The following DENND4A variants were observed in gnomAD, a reference collection of about 807,000 sequenced individuals.
DENND4A encodes the protein C-myc promoter-binding protein.
In DENND4A, 70 loss-of-function variants were observed where a neutral mutation model predicts 199.3. That is an observed-to-expected ratio of 0.35 (90% confidence interval 0.29 to 0.43). The LOEUF is 0.43. Ranked by LOEUF, DENND4A falls within the 20% of genes least tolerant of loss-of-function variation. The pLI is 1.00. For missense variants in DENND4A, 1,723 were observed against 2,255.8 expected (o/e 0.76, Z 4.78); for synonymous variants, 686 against 766.9 (o/e 0.89, Z 1.74).
At chr15:65,672,819 C>G (rs755804543) in intron 24 of DENND4A, among the ~76,000 whole-genome samples, 2 of 151,784 alleles carry the variant, frequency 1.3e-5, no homozygotes, top group Non-Finnish European at 2.9e-5. Flanking sequence ...TATACCTTCT[C>G]AACACATGTT....
intron 1 of DENND4A, among the ~76,000 whole-genome samples, chr15:65,764,400 G>A (rs1045348581): frequency 1.1e-4 from 17 of 152,162 alleles, no homozygotes; most frequent in Non-Finnish European, 2.2e-4. Flanking sequence ...GGAGGCAGAG[G>A]TGGGAGGATC....
intron 27 of DENND4A, among the ~76,000 whole-genome samples, chr15:65,669,457 GAGAT>G (rs1294661215): frequency 6.6e-6 from 1 of 152,122 alleles, no homozygotes; most frequent in African/African-American, 2.4e-5. Flanking sequence ...AATTCCTGAA[GAGAT>G]AGAGACAAGA....
Position 65,756,358 on chromosome 15 carries a change from G to A in DENND4A, c.93C>T (p.Phe31=). Residue 31 remains phenylalanine (F), a synonymous_variant, in exon 3 of 33, where the codon TTC becomes TTT. Coordinates refer to ENST00000443035, the MANE Select transcript of DENND4A (RefSeq NM_001320835.1). ...TAGCTACTTTATGACAAGCATCATTGAAGTGAATTTCTTCTTCTAGAGGCT... is the reference window on the plus strand; with the variant it reads ...TAGCTACTTTATGACAAGCATCATTAAAGTGAATTTCTTCTTCTAGAGGCT... The part of the protein sequence containing the change: ...VSKPLEEEIH[F]NDACHKVAKP... 6.2e-7 allele frequency: 1 copy of A among 1,613,922 alleles called. No individual in the cohort carries two copies. Among genetic ancestry groups the A allele is most frequent in the Non-Finnish European group, 8.5e-7 (1 of 1,179,850 alleles).
intron 21 of DENND4A, 101 bp from the exon 22 acceptor site, chr15:65,696,598 A>G: frequency 1.2e-6 from 1 of 813,402 alleles, no homozygotes; most frequent in Non-Finnish European, 1.9e-6. Context: ...ACTTGAAAAT[A>G]GGTGACAAGA....
chr15:65,790,889 T>G (rs773675942), intron 1 of DENND4A, among the ~76,000 whole-genome samples: 1 of 152,104 alleles, frequency 6.6e-6, no homozygotes, highest in Non-Finnish European at 1.5e-5. Flanking sequence ...TGTACTACAA[T>G]AGATTAGCGT....
intron 1 of DENND4A, among the ~76,000 whole-genome samples, chr15:65,763,679 CAAA>C (rs11357605): frequency 3.4e-5 from 3 of 87,538 alleles, no homozygotes; most frequent in Admixed American, 1.3e-4. Context: ...GACCTTGTCT[CAAA>C]AAAAAAAAAA....
chr15:65,727,952 CTT>C (rs2075852523), intron 11 of DENND4A: 2 of 171,732 alleles, frequency 1.2e-5, no homozygotes, highest in Admixed American at 6.3e-5. Flanking sequence ...TAATTTAAAA[CTT>C]ATTTTAAAAT....
chr15:65,662,038 T>C, intron 32 of DENND4A, 51 bp from the exon 33 acceptor site: 5 of 1,475,786 alleles, frequency 3.4e-6, no homozygotes, highest in Non-Finnish European at 4.6e-6. Flanking sequence ...AGGTCTGATG[T>C]TGAAAACTAT....
intron 32 of DENND4A, among the ~76,000 whole-genome samples, chr15:65,662,362 A>C (rs1193626516): frequency 2.0e-5 from 3 of 152,112 alleles, no homozygotes; most frequent in African/African-American, 7.2e-5. Context: ...TCATTTTTTA[A>C]ATTTAAATTT....
chr15:65,731,046 T>C (rs2075942368), intron 9 of DENND4A, among the ~76,000 whole-genome samples: 1 of 152,058 alleles, frequency 6.6e-6, no homozygotes, highest in African/African-American at 2.4e-5. Context: ...TAATCTGCAA[T>C]TCTTACAAAA....
rs36113125 is a variant in DENND4A at position 65,666,778 on chromosome 15, CAAA to C, written c.5241+668_5241+670del. ...TGGGTGACAGGGCGAGACCTTGTGT[CAAA>C]AAAAAAAAAAAAAAAAAATTAGGCT... On this transcript the variant is annotated intron_variant, in intron 29 of 32. Transcript: ENST00000443035. 8.4e-3 allele frequency among the ~76,000 whole-genome samples: 767 copies of C among 91,670 alleles called. 3 individuals are homozygous for C. Among genetic ancestry groups the C allele is most frequent in the African/African-American group, 0.015 (427 of 27,872 alleles). The allele number at this position is 91,670 out of a possible 152,430, so 60.1% of individuals were successfully genotyped here.
chr15:65,712,173 C>T (rs918540343), intron 14 of DENND4A, among the ~76,000 whole-genome samples: 3 of 152,210 alleles, frequency 2.0e-5, no homozygotes, highest in Admixed American at 1.3e-4. Flanking sequence ...AATTCCCTAA[C>T]AGCACCAGAA....
chr15:65,748,065 G>GAAAAAAAAAA (rs1299007692), intron 4 of DENND4A, among the ~76,000 whole-genome samples: 3 of 108,930 alleles, frequency 2.8e-5, no homozygotes, highest in African/African-American at 3.7e-5. Flanking sequence ...AAAAAAAAAG[G>GAAAAAAAAAA]AAAAAAAAAA....
At chr15:65,663,358 C>T (rs1387560496) in intron 32 of DENND4A, among the ~76,000 whole-genome samples, 7 of 151,188 alleles carry the variant, frequency 4.6e-5, no homozygotes, top group Non-Finnish European at 7.4e-5. Context: ...TACAGGCATG[C>T]GCCACCACGC....
chr15:65,757,235 T>G, intron 2 of DENND4A, among the ~76,000 whole-genome samples: 1 of 136,542 alleles, frequency 7.3e-6, no homozygotes, highest in African/African-American at 2.8e-5. Flanking sequence ...GAGGCTTGTG[T>G]GTTTATTTTG....
chr15:65,676,162 A>C (rs1018377633), intron 24 of DENND4A, among the ~76,000 whole-genome samples: 1 of 146,524 alleles, frequency 6.8e-6, no homozygotes, highest in Admixed American at 6.8e-5. Flanking sequence ...ATATATATAT[A>C]TATACCTATA....
At chr15:65,758,002 TC>T (rs1302286331) in intron 2 of DENND4A, among the ~76,000 whole-genome samples, 1 of 151,806 alleles carries the variant, frequency 6.6e-6, no homozygotes. Flanking sequence ...AAAAAAGTGT[TC>T]CCAAGCTAGT....
Position 65,721,883 on chromosome 15 carries a change from G to C in DENND4A, c.1588+965C>G, listed in dbSNP as rs529381116. On this transcript the variant is annotated intron_variant, in intron 12 of 32. Coordinates refer to ENST00000443035, the MANE Select transcript of DENND4A (RefSeq NM_001320835.1). ...AACAAGATTAGATAAAGAAATGAAGGTTTAATTTTCCTTATCAGTAATTCT... is the reference window on the plus strand; with the variant it reads ...AACAAGATTAGATAAAGAAATGAAGCTTTAATTTTCCTTATCAGTAATTCT... 2.6e-5 allele frequency among the ~76,000 whole-genome samples: 4 copies of C among 152,128 alleles called. No homozygotes were observed. The South Asian group carries it at 6.2e-4, about 24-fold the overall frequency.
chr15:65,784,862 C>T (rs778594527), intron 1 of DENND4A, among the ~76,000 whole-genome samples: 4 of 152,010 alleles, frequency 2.6e-5, no homozygotes, highest in Non-Finnish European at 5.9e-5. Flanking sequence ...AAAATTCCAC[C>T]TGGGCCGGGC....
Sources: allele counts gnomAD v4.1 joint callset (sites outside exome capture counted in the v4.1 genomes callset), GRCh38; gene constraint gnomAD v4.1.1; transcripts MANE v1.5; gene names NCBI Gene and HGNC (gene_info 2026-07-23, HGNC 2026-07-21).